The following IL16 variants were observed in gnomAD, a reference collection of about 807,000 sequenced individuals.
The protein encoded by IL16 is interleukin 16.
In IL16, 67 loss-of-function variants were observed where a neutral mutation model predicts 110.1. That is an observed-to-expected ratio of 0.61 (90% CI 0.50 to 0.75). IL16 has a LOEUF of 0.75. Among genes scored for constraint, IL16 ranks in the 30% least tolerant of loss-of-function variants. The pLI is 0.00. For synonymous variants in IL16, 689 were observed against 662.9 expected (o/e 1.04, Z -0.61); for missense variants, 1,545 against 1,655.0 (o/e 0.93, Z 1.15).
In IL16 at chr15:81,188,810, C is replaced by T. The variant is rs553438386; in HGVS notation, c.40+5914C>T. On this transcript the variant is annotated intron_variant, in intron 1 of 18. Coordinates refer to the IL16 transcript ENST00000302987. ...CTTCCTCTCACAGCTACTTAGCATC[C>T]AGTTTGTGTCAGGTACTATGCTCAA... 1.2e-4 allele frequency among the ~76,000 whole-genome samples: 19 copies of T among 152,086 alleles called. No homozygotes were observed. In the East Asian group the frequency reaches 3.5e-3, roughly 28 times the overall value.
intron 3 of IL16, among the ~76,000 whole-genome samples, chr15:81,262,329 C>G (rs1237295773): frequency 6.6e-6 from 1 of 151,874 alleles, no homozygotes; most frequent in African/African-American, 2.4e-5. Context: ...CTGATCTTTT[C>G]TTTTTTAATG....
rs765933262 is a variant in IL16 at position 81,273,191 on chromosome 15, A to C, written c.777A>C (p.Gly259=). The C allele has an allele frequency of 6.2e-7, 1 of 1,611,630 alleles. No homozygotes were observed. The highest frequency in any genetic ancestry group is 1.1e-5 in the South Asian group (1 of 90,808). Reference sequence around the variant, plus strand: ...CAGGGGGAGCAGCAGCAGCCGATGGAAGGCTACAGGAAGGTAGGCTTCCCA... The same window carrying C: ...CAGGGGGAGCAGCAGCAGCCGATGGCAGGCTACAGGAAGGTAGGCTTCCCA... ...IFAGGAAAAD[G]RLQEGDEILE... The change falls in exon 6 of 19, where the codon GGA becomes GGC. Residue 259 remains glycine, a synonymous_variant. Transcript: ENST00000683961.
At chr15:81,183,733 C>T (rs1447386116) in intron 1 of IL16, among the ~76,000 whole-genome samples, 1 of 152,168 alleles carries the variant, frequency 6.6e-6, no homozygotes, top group Non-Finnish European at 1.5e-5. Context: ...TGAAGAAAGG[C>T]AGTGGGGTGT....
chr15:81,194,656 A>T (rs1352419563), upstream of IL16, among the ~76,000 whole-genome samples: 1 of 152,192 alleles, frequency 6.6e-6, no homozygotes, highest in Non-Finnish European at 1.5e-5. Context: ...TTTAGCAAGC[A>T]TCAGAATCAC....
At chr15:81,271,797 C>T (rs1003951214) in intron 5 of IL16, among the ~76,000 whole-genome samples, 7 of 152,232 alleles carry the variant, frequency 4.6e-5, no homozygotes, top group African/African-American at 1.7e-4. Context: ...GGAACACACA[C>T]CACCTTCACC....
At chr15:81,233,623 CA>C (rs537501895) in intron 2 of IL16, among the ~76,000 whole-genome samples, 3 of 151,456 alleles carry the variant, frequency 2.0e-5, no homozygotes, top group South Asian at 2.1e-4. Context: ...TATATACACA[CA>C]AAAAATGTGT....
chr15:81,191,095 C>A (rs888061134), intron 1 of IL16, among the ~76,000 whole-genome samples: 1 of 152,198 alleles, frequency 6.6e-6, no homozygotes, highest in Admixed American at 6.5e-5. Context: ...GCAAGTGCTG[C>A]ACAAATGCTT....
At chr15:81,192,440 AAAAAAAG>A (rs1023817992), upstream of IL16, among the ~76,000 whole-genome samples, 2 of 152,006 alleles carry the variant, frequency 1.3e-5, no homozygotes, top group Admixed American at 6.6e-5. Context: ...GTCTCTACAA[AAAAAAAG>A]AAAAAAGAAA....
At chr15:81,262,464 A>G (rs1221851002) in intron 3 of IL16, among the ~76,000 whole-genome samples, 1 of 150,734 alleles carries the variant, frequency 6.6e-6, no homozygotes, top group Non-Finnish European at 1.5e-5. Flanking sequence ...TTGGTGTTTG[A>G]TATGATGTAA....
chr15:81,266,614 T>G lies in IL16; in HGVS notation c.564+813T>G, dbSNP rs569630660. On this transcript the variant is annotated intron_variant, in intron 4 of 18. Coordinates refer to ENST00000683961, the MANE Select transcript of IL16 (RefSeq NM_172217.5). The stretch of plus-strand genomic sequence containing the variant: ...TTTTGGTCACACAGCGCCCTCTGTC[T>G]GTAGCATCTCACCCCTCCTTCTCTG... 3.9e-5 allele frequency among the ~76,000 whole-genome samples: 6 copies of G among 152,322 alleles called. No individual in the cohort carries two copies. The East Asian group carries it at 1.2e-3, about 29-fold the overall frequency.
At position 81,282,692 on chromosome 15, in the gene IL16, ATCTCTGGCAT is replaced by A. The variant is rs767495887; in HGVS notation, c.1137_1146del (p.Gly381SerfsTer33). ...GTGCAGCGTTCCCTACTTCCAATGC[ATCTCTGGCAT>A]TTTCGTCCACACGCTGTCACCAGGA... is the stretch of plus-strand genomic sequence containing the variant. On this transcript the variant is annotated frameshift_variant, in exon 9 of 19. Transcript: ENST00000683961. LOFTEE classifies it high-confidence loss of function. 3.7e-6 allele frequency: 6 copies of A among 1,614,126 alleles called. No individual in the cohort carries two copies. The highest frequency in any genetic ancestry group is 5.1e-6 in the Non-Finnish European group (6 of 1,180,040).
At chr15:81,193,737 G>A (rs187831385), upstream of IL16, among the ~76,000 whole-genome samples, 1 of 152,254 alleles carries the variant, frequency 6.6e-6, no homozygotes, top group Admixed American at 6.5e-5. Flanking sequence ...CACAGCCTTG[G>A]ACGTGCACTT....
intron 2 of IL16, among the ~76,000 whole-genome samples, chr15:81,259,283 G>C (rs115252292): frequency 1.3e-5 from 2 of 152,146 alleles, no homozygotes. Context: ...TAACTTGCTC[G>C]ATCTTTCTCT....
intron 1 of IL16, among the ~76,000 whole-genome samples, chr15:81,185,160 TA>T (rs921327949): frequency 1.3e-5 from 2 of 151,860 alleles, no homozygotes; most frequent in Admixed American, 6.6e-5. Context: ...GTCTCTCCAA[TA>T]AAAAAAGTAA....
chr15:81,229,660 C>G (rs932826751), intron 2 of IL16, among the ~76,000 whole-genome samples: 1 of 152,160 alleles, frequency 6.6e-6, no homozygotes, highest in African/African-American at 2.4e-5. Flanking sequence ...CCAAAGGCAA[C>G]AGCAGGTCCT....
At position 81,299,499 on chromosome 15, in the gene IL16, T is replaced by C. The variant is rs773019059; in HGVS notation, c.2173T>C (p.Phe725Leu). ...VRISDCIKNL[F>L]SPIMSENHGH... ...GATTTCTGACTGCATCAAAAACTTA[T>C]TTAGCCCCATCATGAGTGAGAACCA... The change falls in exon 14 of 19, where the codon TTT becomes CTT. Residue 725 changes from phenylalanine to leucine, a missense_variant. By Grantham distance (22) the Phe-to-Leu change is conservative. This residue lies in a region of IL16 where 1,185 missense variants were observed against 1,238.8 expected (regional missense o/e 0.96). Coordinates refer to ENST00000683961, the MANE Select transcript of IL16 (RefSeq NM_172217.5). 5.1e-5 allele frequency: 82 copies of C among 1,614,156 alleles called. No homozygotes were observed. The Middle Eastern group carries it at 1.3e-3, about 26-fold the overall frequency.
At chr15:81,195,803 G>A (rs879903790), upstream of IL16, among the ~76,000 whole-genome samples, 9 of 152,194 alleles carry the variant, frequency 5.9e-5, no homozygotes, top group Non-Finnish European at 8.8e-5. Context: ...CTGAGCTTAG[G>A]AGAGATGTGT....
chr15:81,214,056 G>A (rs998481580), intron 1 of IL16, among the ~76,000 whole-genome samples: 1 of 151,904 alleles, frequency 6.6e-6, no homozygotes. Flanking sequence ...TGTTTTTGTG[G>A]CAGTAGGTAT....
At position 81,313,605 on chromosome 15, in the gene IL16, T is replaced by C. The variant is rs1446701041; in HGVS notation, c.*4807T>C. 5.1e-6 allele frequency: 2 copies of C among 394,216 alleles called. No individual in the cohort carries two copies. Among genetic ancestry groups the C allele is most frequent in the African/African-American group, 4.1e-5 (2 of 48,240 alleles). The allele number at this position is 394,216 out of a possible 1,614,324, so 24.4% of individuals were successfully genotyped here. Reference sequence around the variant, plus strand: ...GGAAACCCATCCTGTCGGGGATGCATTCCACAGCCTCTCCCGGCCTCCAGG... The same window carrying C: ...GGAAACCCATCCTGTCGGGGATGCACTCCACAGCCTCTCCCGGCCTCCAGG... On this transcript the variant is annotated 3_prime_UTR_variant, in exon 19 of 19. Transcript: ENST00000683961.
Sources: gnomAD v4.1 joint callset for allele counts (sites outside exome capture counted in the v4.1 genomes callset) on GRCh38, gnomAD v4.1.1 for gene constraint, gnomAD v4.1.1 regional missense constraint, MANE v1.5 for transcripts, NCBI Gene and HGNC (gene_info 2026-07-23, HGNC 2026-07-21) for gene names.